Variants in OR4F16 observed in about 807,000 individuals in gnomAD.
OR4F16 encodes the protein olfactory receptor family 4 subfamily F member 16, also known as olfactory receptor 4F3/4F16/4F29.
upstream of OR4F16, among the ~76,000 whole-genome samples, chr1:691,079 TC>T (rs1303078078): frequency 1.3e-5 from 2 of 149,468 alleles, no homozygotes; most frequent in African/African-American, 5.1e-5. Context: ...AGAATAGAAA[TC>T]AAAAATAAAT....
upstream of OR4F16, among the ~76,000 whole-genome samples, chr1:687,415 AAT>A (rs1401101226): frequency 1.5e-5 from 2 of 137,894 alleles, no homozygotes; most frequent in Non-Finnish European, 3.1e-5. Flanking sequence ...ATGCCTAATA[AAT>A]ATGTTTTGGA....
At chr1:691,151 T>C (rs553805080), upstream of OR4F16, among the ~76,000 whole-genome samples, 2 of 151,622 alleles carry the variant, frequency 1.3e-5, no homozygotes, top group African/African-American at 4.9e-5. Context: ...CCTTGCTCCA[T>C]TTGTAAGAAA....
chr1:691,226 T>C (rs2808332), upstream of OR4F16, among the ~76,000 whole-genome samples: 9 of 152,032 alleles, frequency 5.9e-5, no homozygotes, highest in Non-Finnish European at 1.5e-5. Context: ...GCACAATAAA[T>C]GTTATTTATT....
chr1:712,020 T>G, the OR4F16 span: 2 of 108,994 alleles, frequency 1.8e-5, no homozygotes, highest in African/African-American at 8.7e-5. Flanking sequence ...ATATTGTATA[T>G]CTATTACATA....
upstream of OR4F16, among the ~76,000 whole-genome samples, chr1:687,108 TATC>T (rs1473993443): frequency 1.5e-4 from 19 of 129,768 alleles, 3 homozygotes; most frequent in African/African-American, 6.0e-4. Flanking sequence ...ACAGATGGAT[TATC>T]ACTGCAGTAA....
upstream of OR4F16, among the ~76,000 whole-genome samples, chr1:690,823 T>A (rs1484237175): frequency 1.4e-5 from 2 of 147,778 alleles, no homozygotes; most frequent in Non-Finnish European, 2.9e-5. Flanking sequence ...ACATAATAAA[T>A]TTTAGTATTC....
the OR4F16 span, among the ~76,000 whole-genome samples, chr1:701,410 C>T: frequency 6.7e-6 from 1 of 149,108 alleles, no homozygotes; most frequent in Non-Finnish European, 1.5e-5. Flanking sequence ...TTGGTGTCAA[C>T]TAAAGAAAAA....
At chr1:702,436 T>C in the OR4F16 span, 1 of 146,800 alleles carries the variant, frequency 6.8e-6, no homozygotes, top group Non-Finnish European at 1.5e-5. Context: ...TTCCTAATTA[T>C]GATTTCTTTG....
At chr1:702,645 T>C in the OR4F16 span, among the ~76,000 whole-genome samples, 1 of 38,042 alleles carries the variant, frequency 2.6e-5, no homozygotes, top group Non-Finnish European at 5.4e-5. Context: ...TGATACAAAC[T>C]ATTGACAGTA....
chr1:683,083 G>A (rs4108074), downstream of OR4F16, among the ~76,000 whole-genome samples: 11,219 of 116,396 alleles, frequency 0.096, 704 homozygotes, highest in African/African-American at 0.22. Flanking sequence ...CCCAAAACAA[G>A]TACGTATCAC....
upstream of OR4F16, among the ~76,000 whole-genome samples, chr1:690,925 G>A (rs1256204381): frequency 2.7e-5 from 4 of 147,712 alleles, no homozygotes; most frequent in Non-Finnish European, 5.9e-5. Context: ...CCAACACAAA[G>A]AAAAGATAAA....
chr1:691,143 T>G (rs539929491), upstream of OR4F16, among the ~76,000 whole-genome samples: 194 of 151,472 alleles, frequency 1.3e-3, no homozygotes, highest in Non-Finnish European at 2.0e-3. Context: ...GCTTGCTCCC[T>G]TGCTCCATTT....
chr1:687,283 T>C (rs61769316), upstream of OR4F16, among the ~76,000 whole-genome samples: 2,955 of 123,052 alleles, frequency 0.024, 5 homozygotes, highest in Non-Finnish European at 0.029. Flanking sequence ...TTCTCATGCT[T>C]ACTGCTATTT....
chr1:712,663 TATA>T, the OR4F16 span, among the ~76,000 whole-genome samples: 2 of 148,016 alleles, frequency 1.4e-5, no homozygotes, highest in South Asian at 2.1e-4. Context: ...TTTAATAAAA[TATA>T]ATAAGAGATA....
At chr1:712,460 C>CAA in the OR4F16 span, among the ~76,000 whole-genome samples, 10 of 91,960 alleles carry the variant, frequency 1.1e-4, no homozygotes, top group African/African-American at 3.6e-4. Context: ...CTCCTGACCT[C>CAA]GTGATCCACC....
chr1:709,954 G>GA, the OR4F16 span, among the ~76,000 whole-genome samples: 1 of 146,000 alleles, frequency 6.8e-6, no homozygotes, highest in Non-Finnish European at 1.5e-5. Flanking sequence ...ATTGTTTAGT[G>GA]AAAAACTAAG....
the OR4F16 span, among the ~76,000 whole-genome samples, chr1:677,854 A>AC: frequency 1.1e-5 from 1 of 88,878 alleles, no homozygotes; most frequent in African/African-American, 4.9e-5. Context: ...CCAATATTCA[A>AC]ATTCAGAAAT....
upstream of OR4F16, among the ~76,000 whole-genome samples, chr1:690,265 A>G (rs1210596883): frequency 1.6e-4 from 18 of 113,026 alleles, no homozygotes; most frequent in African/African-American, 7.6e-4. Flanking sequence ...TGTACAGAAC[A>G]AAGAAGGCAC....
chr1:690,073 G>A (rs1224177020), upstream of OR4F16, among the ~76,000 whole-genome samples: 3 of 126,528 alleles, frequency 2.4e-5, no homozygotes, highest in African/African-American at 9.9e-5. Flanking sequence ...GGGAGAGAAA[G>A]GGCAGTTGCT....
Sources: gnomAD v4.1 joint callset for allele counts (sites outside exome capture counted in the v4.1 genomes callset) on GRCh38, gnomAD v4.1.1 for gene constraint, MANE v1.5 for transcripts, NCBI Gene and HGNC (gene_info 2026-07-23, HGNC 2026-07-21) for gene names.